The following DCBLD2 variants were observed in gnomAD, a reference collection of about 807,000 sequenced individuals.
DCBLD2 encodes the protein discoidin, CUB and LCCL domain-containing protein 2.
Under a neutral mutation model 86.8 loss-of-function variants are expected in DCBLD2, and 54 were observed. The ratio of observed to expected loss-of-function variants is 0.62; its 90% confidence interval spans 0.50 to 0.78. The LOEUF is 0.78. Ranked by LOEUF, DCBLD2 falls within the 30% of genes least tolerant of loss-of-function variation. The pLI is 0.00. For missense variants in DCBLD2, 908 were observed against 954.2 expected, an observed-to-expected ratio of 0.95 and a Z score of 0.64; for synonymous variants, 354 against 341.3, an observed-to-expected ratio of 1.04 and a Z score of -0.41.
chr3:98,900,348 T>G (rs757748436), intron 1 of DCBLD2, among the ~76,000 whole-genome samples: 47 of 152,188 alleles, frequency 3.1e-4, no homozygotes, highest in Non-Finnish European at 6.0e-4. Flanking sequence ...TCAAAAAGTG[T>G]GGTACACTAC....
Position 98,830,984 on chromosome 3 carries a change from A to T in DCBLD2, c.572-5618T>A, listed in dbSNP as rs1576168105. ...AGTTAGCTGCATTCCTAGGTATTTT[A>T]TTCTTTTTGTGGCAATTGTGAATGG... is the stretch of plus-strand genomic sequence containing the variant. On this transcript the variant is annotated intron_variant, in intron 3 of 15. Transcript: ENST00000326840. 2.0e-5 allele frequency among the ~76,000 whole-genome samples: 3 copies of T among 151,356 alleles called. No homozygotes were observed. In the South Asian group the frequency reaches 6.3e-4, roughly 32 times the overall value.
At position 98,808,550 on chromosome 3, in the gene DCBLD2, G is replaced by T. The variant is rs1333530762; in HGVS notation, c.1577-376C>A. Among the ~76,000 whole-genome samples the T allele has an allele frequency of 3.3e-5, 5 of 152,190 alleles. No homozygotes were observed. In the South Asian group the frequency reaches 1.0e-3, roughly 32 times the overall value. On this transcript the variant is annotated intron_variant, in intron 12 of 15. Transcript: ENST00000326840. Reference sequence around the variant, plus strand: ...ATCCAAACATTTAAGAGAAAAATCAGCAGAGATTAACTAGTAATACATTAA... The same window carrying T: ...ATCCAAACATTTAAGAGAAAAATCATCAGAGATTAACTAGTAATACATTAA...
At chr3:98,865,704 CTTTT>C (rs908569479) in intron 2 of DCBLD2, among the ~76,000 whole-genome samples, 2 of 134,888 alleles carry the variant, frequency 1.5e-5, no homozygotes, top group African/African-American at 5.5e-5. Flanking sequence ...ATACAATTTT[CTTTT>C]TTTATATATA....
intron 2 of DCBLD2, among the ~76,000 whole-genome samples, chr3:98,857,012 G>T (rs752805541): frequency 1.3e-5 from 2 of 152,158 alleles, no homozygotes; most frequent in Non-Finnish European, 2.9e-5. Flanking sequence ...GCAGACCCTC[G>T]CAGTGAGTGT....
chr3:98,885,455 G>A (rs772430232), intron 1 of DCBLD2, among the ~76,000 whole-genome samples: 6 of 151,564 alleles, frequency 4.0e-5, no homozygotes, highest in Non-Finnish European at 5.9e-5. Flanking sequence ...CGTTTACATC[G>A]TGACCCTATA....
At chr3:98,852,882 C>CT (rs2107488293) in intron 2 of DCBLD2, among the ~76,000 whole-genome samples, 1 of 151,802 alleles carries the variant, frequency 6.6e-6, no homozygotes, top group East Asian at 1.9e-4. Context: ...ACAACTAGTA[C>CT]ACTTGGAAGA....
chr3:98,898,719 C>T (rs1943793235), intron 1 of DCBLD2, among the ~76,000 whole-genome samples: 2 of 152,110 alleles, frequency 1.3e-5, no homozygotes, highest in South Asian at 4.1e-4. Context: ...CCCTAAAGAA[C>T]ATCTGTTAGA....
At chr3:98,828,482 G>A (rs1361980044) in intron 3 of DCBLD2, among the ~76,000 whole-genome samples, 1 of 152,100 alleles carries the variant, frequency 6.6e-6, no homozygotes, top group Non-Finnish European at 1.5e-5. Context: ...AGCCATCAGG[G>A]AAATGCAAAT....
intron 2 of DCBLD2, among the ~76,000 whole-genome samples, chr3:98,861,076 T>C (rs1943034708): frequency 6.6e-6 from 1 of 152,182 alleles, no homozygotes; most frequent in Non-Finnish European, 1.5e-5. Flanking sequence ...GTTGCAATCC[T>C]AGTCTCTGAT....
intron 1 of DCBLD2, among the ~76,000 whole-genome samples, chr3:98,884,442 T>A (rs780551607): frequency 2.7e-5 from 4 of 149,728 alleles, no homozygotes; most frequent in Admixed American, 2.0e-4. Flanking sequence ...GAAACTGGCA[T>A]GAAAATACCT....
At chr3:98,866,817 T>C (rs1025082646) in intron 2 of DCBLD2, among the ~76,000 whole-genome samples, 9 of 152,368 alleles carry the variant, frequency 5.9e-5, no homozygotes, top group African/African-American at 1.9e-4. Context: ...CTAGGTTTTC[T>C]TCTAGGGTTT....
intron 2 of DCBLD2, among the ~76,000 whole-genome samples, chr3:98,859,112 CGG>C (rs1942992724): frequency 6.6e-6 from 1 of 152,176 alleles, no homozygotes; most frequent in Non-Finnish European, 1.5e-5. Flanking sequence ...CCTACGCCAA[CGG>C]AGGCTCACTC....
intron 3 of DCBLD2, among the ~76,000 whole-genome samples, chr3:98,836,619 A>G (rs1238168991): frequency 0.012 from 1,416 of 116,972 alleles, no homozygotes; most frequent in Middle Eastern, 0.018. Context: ...CACACCTCCC[A>G]GACGGGGCGG....
At chr3:98,829,191 A>T (rs1383435196) in intron 3 of DCBLD2, among the ~76,000 whole-genome samples, 1 of 152,086 alleles carries the variant, frequency 6.6e-6, no homozygotes, top group Non-Finnish European at 1.5e-5. Context: ...TACGGGGTAC[A>T]TGTGTAGGTT....
At chr3:98,870,603 G>C (rs189790500) in intron 2 of DCBLD2, among the ~76,000 whole-genome samples, 1 of 148,486 alleles carries the variant, frequency 6.7e-6, no homozygotes, top group African/African-American at 2.5e-5. Context: ...GACAGAGTAA[G>C]ATGGAAAGGA....
intron 1 of DCBLD2, among the ~76,000 whole-genome samples, chr3:98,889,099 A>T (rs1055819295): frequency 2.6e-5 from 4 of 151,994 alleles, no homozygotes; most frequent in East Asian, 1.9e-4. Flanking sequence ...TCTTTCTGAT[A>T]TCTTCGCTTT....
At chr3:98,849,713 G>C in intron 2 of DCBLD2, 115 bp from the exon 3 acceptor site, 8 of 1,132,160 alleles carry the variant, frequency 7.1e-6, no homozygotes, top group South Asian at 1.7e-5. Context: ...AATTAGTATG[G>C]AATAATGACT....
At chr3:98,851,874 C>T (rs1017689369) in intron 2 of DCBLD2, among the ~76,000 whole-genome samples, 1 of 152,204 alleles carries the variant, frequency 6.6e-6, no homozygotes, top group Non-Finnish European at 1.5e-5. Flanking sequence ...AACTGGCCAG[C>T]TAGCCATATG....
At chr3:98,900,071 C>T (rs542635629) in intron 1 of DCBLD2, among the ~76,000 whole-genome samples, 3 of 152,238 alleles carry the variant, frequency 2.0e-5, no homozygotes, top group Non-Finnish European at 4.4e-5. Flanking sequence ...GGTCAGTTTG[C>T]CAAATACATT....
Sources: gnomAD v4.1 joint callset for allele counts (sites outside exome capture counted in the v4.1 genomes callset) on GRCh38, gnomAD v4.1.1 for gene constraint, MANE v1.5 for transcripts, NCBI Gene and HGNC (gene_info 2026-07-23, HGNC 2026-07-21) for gene names.